The following TAS2R1 variants were observed in gnomAD, a reference collection of about 807,000 sequenced individuals.
TAS2R1 encodes taste 2 receptor member 1, also known as taste receptor type 2 member 1.
For synonymous variants in TAS2R1, 141 were observed against 134.2 expected (o/e 1.05, Z -0.35); for missense variants, 370 against 353.4 (o/e 1.05, Z -0.38).
the TAS2R1 span, among the ~76,000 whole-genome samples, chr5:9,796,604 T>C: frequency 3.3e-4 from 49 of 149,304 alleles, no homozygotes; most frequent in African/African-American, 1.1e-3. Context: ...TTCTGGGAAG[T>C]ATTCAGAGCT....
At chr5:9,901,100 T>C in the TAS2R1 span, among the ~76,000 whole-genome samples, 1 of 152,076 alleles carries the variant, frequency 6.6e-6, no homozygotes, top group African/African-American at 2.4e-5. Context: ...ATTAGGGCCC[T>C]GGGTTGGACC....
chr5:9,738,193 C>A, the TAS2R1 span, among the ~76,000 whole-genome samples: 1 of 152,118 alleles, frequency 6.6e-6, no homozygotes, highest in Admixed American at 6.5e-5. Context: ...TTTTAATTCC[C>A]AGGAAATTAT....
chr5:9,732,734 G>A, the TAS2R1 span, among the ~76,000 whole-genome samples: 1 of 152,160 alleles, frequency 6.6e-6, no homozygotes, highest in Admixed American at 6.5e-5. Context: ...AGGCAAAAAA[G>A]CTTCCATATC....
chr5:9,790,711 C>CTCCGCCTCCCAGGTTCAAGCAATTCT, the TAS2R1 span, among the ~76,000 whole-genome samples: 1 of 152,108 alleles, frequency 6.6e-6, no homozygotes, highest in African/African-American at 2.4e-5. Context: ...TCATTGCAAC[C>CTCCGCCTCCCAGGTTCAAGCAATTCT]TCCGCCTCCC....
At chr5:9,756,927 G>A in the TAS2R1 span, among the ~76,000 whole-genome samples, 3 of 152,138 alleles carry the variant, frequency 2.0e-5, no homozygotes, top group Non-Finnish European at 4.4e-5. Flanking sequence ...TCACATGTGA[G>A]AAAAGTTTGT....
At chr5:9,737,837 C>T in the TAS2R1 span, among the ~76,000 whole-genome samples, 1 of 152,156 alleles carries the variant, frequency 6.6e-6, no homozygotes, top group Non-Finnish European at 1.5e-5. Context: ...TCTTTACCAG[C>T]AAAAAGCCTC....
chr5:9,659,255 T>C (rs1740480109), intron 2 of TAS2R1, among the ~76,000 whole-genome samples: 1 of 152,126 alleles, frequency 6.6e-6, no homozygotes, highest in South Asian at 2.1e-4. Context: ...CCCATGGGAA[T>C]GAGTAGTATC....
At chr5:9,704,604 G>A (rs1324129326) in intron 1 of TAS2R1, among the ~76,000 whole-genome samples, 8 of 152,110 alleles carry the variant, frequency 5.3e-5, no homozygotes, top group African/African-American at 1.4e-4. Context: ...GAAAAATAAT[G>A]GACAGATGAC....
the TAS2R1 span, among the ~76,000 whole-genome samples, chr5:9,760,722 A>C: frequency 2.6e-5 from 4 of 152,248 alleles, no homozygotes; most frequent in African/African-American, 9.6e-5. Flanking sequence ...CCAAGATGTC[A>C]GTAGCTAACA....
the TAS2R1 span, among the ~76,000 whole-genome samples, chr5:9,895,310 A>T: frequency 2.0e-5 from 3 of 152,240 alleles, no homozygotes; most frequent in Non-Finnish European, 2.9e-5. Flanking sequence ...GGCTTTGATC[A>T]ATAAGCTATT....
chr5:9,818,778 T>C, the TAS2R1 span, among the ~76,000 whole-genome samples: 1 of 152,160 alleles, frequency 6.6e-6, no homozygotes, highest in Non-Finnish European at 1.5e-5. Context: ...GCCTCACCTC[T>C]TGATGGGAGG....
the TAS2R1 span, among the ~76,000 whole-genome samples, chr5:9,744,760 T>G: frequency 6.6e-6 from 1 of 152,162 alleles, no homozygotes; most frequent in Non-Finnish European, 1.5e-5. Context: ...CAAAGTGTTC[T>G]TTTTTCTTTA....
the TAS2R1 span, among the ~76,000 whole-genome samples, chr5:9,829,135 A>G: frequency 6.6e-6 from 1 of 152,244 alleles, no homozygotes; most frequent in African/African-American, 2.4e-5. Flanking sequence ...GAAGCCACTG[A>G]ATGCAAGGCT....
chr5:9,700,569 A>G (rs529732960), intron 1 of TAS2R1, among the ~76,000 whole-genome samples: 1 of 152,294 alleles, frequency 6.6e-6, no homozygotes, highest in Non-Finnish European at 1.5e-5. Flanking sequence ...ATATCGCATG[A>G]TCACTCAGGA....
At chr5:9,838,433 C>T in the TAS2R1 span, among the ~76,000 whole-genome samples, 1 of 152,118 alleles carries the variant, frequency 6.6e-6, no homozygotes, top group Admixed American at 6.6e-5. Context: ...GAACATCTGC[C>T]CCTCATGCCA....
At chr5:9,786,007 C>T in the TAS2R1 span, among the ~76,000 whole-genome samples, 2 of 152,168 alleles carry the variant, frequency 1.3e-5, no homozygotes, top group East Asian at 3.8e-4. Context: ...AATCCATGAC[C>T]CCTGCTGCTC....
chr5:9,820,917 T>C, the TAS2R1 span, among the ~76,000 whole-genome samples: 1 of 152,038 alleles, frequency 6.6e-6, no homozygotes, highest in Non-Finnish European at 1.5e-5. Flanking sequence ...ATTCCTGAGC[T>C]CTCCTGCCAT....
chr5:9,681,727 A>G (rs947114622), intron 1 of TAS2R1, among the ~76,000 whole-genome samples: 1 of 151,992 alleles, frequency 6.6e-6, no homozygotes, highest in Admixed American at 6.6e-5. Context: ...TCTCTGTGCA[A>G]TTTGGCAACT....
At chr5:9,780,295 C>T in the TAS2R1 span, among the ~76,000 whole-genome samples, 2 of 152,330 alleles carry the variant, frequency 1.3e-5, no homozygotes, top group South Asian at 4.1e-4. Flanking sequence ...TTCCTGAACT[C>T]ATTTTCCTCA....
Sources: gnomAD v4.1 joint callset for allele counts (sites outside exome capture counted in the v4.1 genomes callset) on GRCh38, gnomAD v4.1.1 for gene constraint, MANE v1.5 for transcripts, NCBI Gene and HGNC (gene_info 2026-07-23, HGNC 2026-07-21) for gene names.